The following HMGXB4 variants were observed in gnomAD, a reference collection of about 807,000 sequenced individuals.
The protein encoded by HMGXB4 is HMG domain-containing protein 4.
In HMGXB4, 27 loss-of-function variants were observed where a neutral mutation model predicts 63.9. The ratio of observed to expected loss-of-function variants is 0.42; its 90% CI spans 0.31 to 0.58. HMGXB4 has a LOEUF of 0.58. Among genes scored for constraint, HMGXB4 ranks in the 20% least tolerant of loss-of-function variants. The pLI, the probability that HMGXB4 is intolerant of heterozygous loss-of-function variation, is 0.13. For missense variants in HMGXB4, 624 were observed against 700.7 expected (o/e 0.89, Z 1.24); for synonymous variants, 264 against 265.3 (o/e 0.99, Z 0.05).
At chr22:35,265,888 G>A (rs954508768) in intron 5 of HMGXB4, among the ~76,000 whole-genome samples, 1 of 150,678 alleles carries the variant, frequency 6.6e-6, no homozygotes, top group African/African-American at 2.4e-5. Flanking sequence ...CCAGGTTCAA[G>A]CCTCACCCTC....
chr22:35,248,368 G>A, the HMGXB4 span, among the ~76,000 whole-genome samples: 9 of 151,330 alleles, frequency 5.9e-5, no homozygotes, highest in Non-Finnish European at 7.4e-5. Flanking sequence ...AGGCAATGGC[G>A]AGAGCAGGAG....
rs1922912647 is a variant in HMGXB4 at position 35,262,325 on chromosome 22, C to T, written c.-66C>T. Reference sequence around the variant, plus strand: ...GGTTTTCCTTCTTTGTTTCTCAGACCTGGTCCTGTAGACGGGAAGGAGCCT... The same window carrying T: ...GGTTTTCCTTCTTTGTTTCTCAGACTTGGTCCTGTAGACGGGAAGGAGCCT... On this transcript the variant is annotated splice_region_variant and 5_prime_UTR_variant, in exon 2 of 11. Coordinates refer to ENST00000216106, the MANE Select transcript of HMGXB4 (RefSeq NM_001003681.3). 4.0e-6 allele frequency: 6 copies of T among 1,513,460 alleles called. No individual in the cohort carries two copies. In the East Asian group the frequency reaches 1.4e-4, roughly 34 times the overall value. 93.8% of individuals were successfully genotyped at this position (1,513,460 alleles called of 1,614,324 possible). A position where few individuals can be genotyped will look rare whatever the true frequency, so the allele number is the denominator to read the frequency against.
intron 9 of HMGXB4, among the ~76,000 whole-genome samples, chr22:35,291,993 A>G (rs536267055): frequency 6.6e-6 from 1 of 152,328 alleles, no homozygotes; most frequent in South Asian, 2.1e-4. Context: ...AATGGTGGTG[A>G]CTTTGGCAGA....
At chr22:35,250,561 C>T in the HMGXB4 span, among the ~76,000 whole-genome samples, 6 of 152,170 alleles carry the variant, frequency 3.9e-5, no homozygotes, top group African/African-American at 1.4e-4. Context: ...ACTAGGTCCA[C>T]CTCCAACCAT....
intron 5 of HMGXB4, among the ~76,000 whole-genome samples, chr22:35,280,249 A>G (rs1243469975): frequency 6.6e-6 from 1 of 152,188 alleles, no homozygotes; most frequent in East Asian, 1.9e-4. Flanking sequence ...TTACCACAAA[A>G]ATAACATTGA....
intron 5 of HMGXB4, among the ~76,000 whole-genome samples, chr22:35,281,824 C>T (rs1377890732): frequency 6.6e-6 from 1 of 152,180 alleles, no homozygotes; most frequent in Non-Finnish European, 1.5e-5. Context: ...CAAATTTTAT[C>T]TCCAAATAAG....
intron 8 of HMGXB4, 37 bp downstream of exon 8, chr22:35,287,489 C>T (rs1480951325): frequency 6.7e-7 from 1 of 1,482,806 alleles, no homozygotes; most frequent in African/African-American, 1.4e-5. Context: ...TTCTCTAAAG[C>T]ATGTGAATTT....
the HMGXB4 span, among the ~76,000 whole-genome samples, chr22:35,247,638 A>C: frequency 1.1e-4 from 16 of 151,518 alleles, no homozygotes; most frequent in African/African-American, 3.9e-4. Flanking sequence ...TCCAGGCATT[A>C]AGCCAAGGCA....
intron 1 of HMGXB4, chr22:35,261,850 T>G (rs187698486): frequency 6.5e-6 from 1 of 154,464 alleles, no homozygotes; most frequent in African/African-American, 2.4e-5. Flanking sequence ...CTGTTTAAAT[T>G]ACAATGCAAT....
intron 8 of HMGXB4, among the ~76,000 whole-genome samples, chr22:35,287,822 C>T (rs1056766840): frequency 5.9e-5 from 9 of 152,256 alleles, no homozygotes; most frequent in Non-Finnish European, 1.2e-4. Flanking sequence ...GTGGCGCATA[C>T]CTGTAATCCC....
intron 5 of HMGXB4, among the ~76,000 whole-genome samples, chr22:35,276,441 A>G (rs866082056): frequency 3.3e-5 from 5 of 152,372 alleles, no homozygotes; most frequent in Middle Eastern, 3.4e-3. Flanking sequence ...CACAGAAACT[A>G]TCTGGGGAGA....
At chr22:35,261,120 T>G (rs907010182) in intron 1 of HMGXB4, among the ~76,000 whole-genome samples, 1 of 152,236 alleles carries the variant, frequency 6.6e-6, no homozygotes, top group Non-Finnish European at 1.5e-5. Context: ...ACTTATGAAA[T>G]TGCTTGTTCT....
the HMGXB4 span, among the ~76,000 whole-genome samples, chr22:35,245,954 T>G: frequency 1.3e-5 from 2 of 152,120 alleles, no homozygotes; most frequent in African/African-American, 4.8e-5. Flanking sequence ...CAGTCCTGAC[T>G]CTCTCCTTGG....
chr22:35,293,548 A>C (rs1246762881), intron 10 of HMGXB4, 59 bp from the exon 11 acceptor site: 6 of 1,121,920 alleles, frequency 5.3e-6, no homozygotes, highest in South Asian at 1.3e-5. Flanking sequence ...ACAAAGAAAC[A>C]TCTCTCAGGA....
At chr22:35,289,530 C>A (rs1924804898) in intron 9 of HMGXB4, among the ~76,000 whole-genome samples, 1 of 152,204 alleles carries the variant, frequency 6.6e-6, no homozygotes, top group African/African-American at 2.4e-5. Context: ...TTGATTACTT[C>A]TGTCTCCTTC....
intron 5 of HMGXB4, among the ~76,000 whole-genome samples, chr22:35,281,886 A>G (rs1362449096): frequency 1.3e-5 from 2 of 152,228 alleles, no homozygotes; most frequent in East Asian, 1.9e-4. Flanking sequence ...GAATGTTTCT[A>G]TTCATCAAAT....
chr22:35,242,456 C>A, the HMGXB4 span, among the ~76,000 whole-genome samples: 10 of 152,134 alleles, frequency 6.6e-5, no homozygotes, highest in East Asian at 1.9e-3. Flanking sequence ...GTTCAAAATA[C>A]TCCCTTATTA....
chr22:35,252,170 G>A, the HMGXB4 span, among the ~76,000 whole-genome samples: 9 of 152,314 alleles, frequency 5.9e-5, no homozygotes, highest in Admixed American at 3.9e-4. Flanking sequence ...AGCTGAGATC[G>A]TGTCAGTGCA....
the HMGXB4 span, among the ~76,000 whole-genome samples, chr22:35,243,364 C>T: frequency 6.6e-6 from 1 of 152,002 alleles, no homozygotes; most frequent in African/African-American, 2.4e-5. Flanking sequence ...GAAAGAAACT[C>T]AGTCTAAAAG....
Sources: gnomAD v4.1 joint callset for allele counts (sites outside exome capture counted in the v4.1 genomes callset) on GRCh38, gnomAD v4.1.1 for gene constraint, MANE v1.5 for transcripts, NCBI Gene and HGNC (gene_info 2026-07-23, HGNC 2026-07-21) for gene names.